The following RGS6 variants were observed in gnomAD, a reference collection of about 807,000 sequenced individuals.
RGS6 encodes regulator of G-protein signaling 6.
RGS6 carries 30 observed loss-of-function variants against 78.5 expected under a neutral mutation model. The observed-to-expected ratio is 0.38, with a 90% confidence interval of 0.29 to 0.52. The LOEUF is 0.52. Among genes scored for constraint, RGS6 ranks in the 20% least tolerant of loss-of-function variants. The probability of loss-of-function intolerance (pLI) is 0.85; values close to 1 mark genes in which losing one functional copy is unlikely to be tolerated. For synonymous variants in RGS6, 206 were observed against 206.0 expected (o/e 1.00, Z 0.00); for missense variants, 495 against 609.7 (o/e 0.81, Z 1.98).
chr14:72,535,193 T>C (rs1052518150), intron 15 of RGS6, among the ~76,000 whole-genome samples: 2 of 152,062 alleles, frequency 1.3e-5, no homozygotes, highest in African/African-American at 4.8e-5. Context: ...AGGGGTGAAA[T>C]TATTTGCCAA....
intron 15 of RGS6, among the ~76,000 whole-genome samples, chr14:72,531,617 C>G (rs2097183996): frequency 6.6e-6 from 1 of 152,150 alleles, no homozygotes; most frequent in Non-Finnish European, 1.5e-5. Context: ...GAGGGCCTCA[C>G]ATGTGACCAA....
intron 3 of RGS6, among the ~76,000 whole-genome samples, chr14:72,378,708 C>T (rs1308828305): frequency 1.1e-4 from 16 of 151,838 alleles, no homozygotes; most frequent in Admixed American, 1.0e-3. Flanking sequence ...AAAAGTTTCC[C>T]AAAAAAGAAA....
chr14:71,884,448 G>C, the RGS6 span, among the ~76,000 whole-genome samples: 1 of 152,186 alleles, frequency 6.6e-6, no homozygotes, highest in Non-Finnish European at 1.5e-5. Flanking sequence ...GGTTTTTCTA[G>C]CTCCCAACAA....
intron 2 of RGS6, among the ~76,000 whole-genome samples, chr14:72,076,382 C>T (rs2094574768): frequency 6.6e-6 from 1 of 152,064 alleles, no homozygotes; most frequent in Non-Finnish European, 1.5e-5. Flanking sequence ...ACATGGATGT[C>T]CCTTATTTAA....
chr14:72,389,114 AT>A, intron 3 of RGS6, among the ~76,000 whole-genome samples: 1 of 152,198 alleles, frequency 6.6e-6, no homozygotes, highest in Non-Finnish European at 1.5e-5. Flanking sequence ...CTGCTCCTGC[AT>A]CATGCTGGGA....
At chr14:72,457,965 C>T (rs1054357585) in intron 4 of RGS6, among the ~76,000 whole-genome samples, 3 of 152,200 alleles carry the variant, frequency 2.0e-5, no homozygotes, top group Admixed American at 6.5e-5. Context: ...TAGTTAAATA[C>T]AGGTTCTTCT....
chr14:72,505,625 G>A (rs2096789013), intron 13 of RGS6, among the ~76,000 whole-genome samples: 2 of 152,180 alleles, frequency 1.3e-5, no homozygotes, highest in African/African-American at 2.4e-5. Context: ...GTAGTAGAAG[G>A]CAAGGTAACA....
At chr14:71,929,547 C>A (rs560620524), upstream of RGS6, among the ~76,000 whole-genome samples, 1 of 152,210 alleles carries the variant, frequency 6.6e-6, no homozygotes, top group South Asian at 2.1e-4. Flanking sequence ...AGTATTACAG[C>A]TGCATGTTAA....
At chr14:72,228,367 C>T (rs562787923) in intron 2 of RGS6, among the ~76,000 whole-genome samples, 32 of 151,542 alleles carry the variant, frequency 2.1e-4, no homozygotes, top group East Asian at 5.9e-4. Context: ...AGCAACAGAG[C>T]GAGACTCTGT....
chr14:72,387,770 C>T (rs2152927146), intron 3 of RGS6, among the ~76,000 whole-genome samples: 1 of 152,238 alleles, frequency 6.6e-6, no homozygotes, highest in East Asian at 1.9e-4. Context: ...GTAACAAGGT[C>T]CCACAGACCA....
chr14:72,384,069 G>A (rs1414478490), intron 3 of RGS6, among the ~76,000 whole-genome samples: 2 of 152,342 alleles, frequency 1.3e-5, no homozygotes, highest in East Asian at 3.9e-4. Flanking sequence ...AGCACACTCA[G>A]TGACACACAC....
chr14:72,282,729 C>A (rs776648641), intron 2 of RGS6, among the ~76,000 whole-genome samples: 7 of 152,198 alleles, frequency 4.6e-5, no homozygotes, highest in Non-Finnish European at 1.0e-4. Flanking sequence ...CCTGTCACCT[C>A]CAGAAGTTTC....
At chr14:72,541,171 T>C (rs749149264) in intron 17 of RGS6, 3 of 1,380,806 alleles carry the variant, frequency 2.2e-6, no homozygotes, top group African/African-American at 2.9e-5. Context: ...CCCATTGATA[T>C]TGACTTGCCT....
intron 2 of RGS6, among the ~76,000 whole-genome samples, chr14:72,068,812 C>T (rs769103869): frequency 3.3e-5 from 5 of 151,124 alleles, no homozygotes; most frequent in African/African-American, 4.9e-5. Context: ...CCTTTCTCTC[C>T]TCCTTCCTTT....
Position 72,120,866 on chromosome 14 carries a change from C to T in RGS6, c.84+155991C>T, listed in dbSNP as rs950868929. ...TGGAAATCTTCTCTATCTTATTTTG[C>T]GGGATGGTTACATTTGTGTATTCCG... is the stretch of plus-strand genomic sequence containing the variant. On this transcript the variant is annotated intron_variant, in intron 2 of 17. Coordinates refer to ENST00000553525, the MANE Select transcript of RGS6 (RefSeq NM_001204424.2). 2.0e-5 allele frequency among the ~76,000 whole-genome samples: 3 copies of T among 152,132 alleles called. 1 individual carries two copies. The highest frequency in any genetic ancestry group is 4.8e-5 in the African/African-American group (2 of 41,432).
At chr14:72,045,575 G>A (rs2092767194) in intron 2 of RGS6, among the ~76,000 whole-genome samples, 1 of 152,112 alleles carries the variant, frequency 6.6e-6, no homozygotes, top group Non-Finnish European at 1.5e-5. Flanking sequence ...TATTTTACTG[G>A]TGAGGTATGG....
chr14:71,967,652 T>C (rs1319057921), intron 2 of RGS6, among the ~76,000 whole-genome samples: 1 of 152,308 alleles, frequency 6.6e-6, no homozygotes, highest in African/African-American at 2.4e-5. Flanking sequence ...TGTTTGTTGT[T>C]GTTGTTTTTT....
In RGS6 at chr14:72,357,158, G is replaced by A. The variant is rs1403716423; in HGVS notation, c.184+4964G>A. ...GTAGTGGCACGCACCTGTAATCCCAGCTACTTGGGAGGCTGAGGCAGGAGA... is the reference window on the plus strand; with the variant it reads ...GTAGTGGCACGCACCTGTAATCCCAACTACTTGGGAGGCTGAGGCAGGAGA... On this transcript the variant is annotated intron_variant, in intron 3 of 17. Coordinates refer to ENST00000553525, the MANE Select transcript of RGS6 (RefSeq NM_001204424.2). Among the ~76,000 whole-genome samples, 3 of 152,112 alleles carry A rather than the reference G, an allele frequency of 2.0e-5. No homozygotes were observed. In the South Asian group the frequency reaches 6.2e-4, roughly 32 times the overall value.
chr14:72,433,557 A>T (rs866588020), intron 3 of RGS6, among the ~76,000 whole-genome samples: 1 of 152,204 alleles, frequency 6.6e-6, no homozygotes, highest in African/African-American at 2.4e-5. Flanking sequence ...TAACTAAAAA[A>T]GTCTTTTTAG....
Sources: allele counts gnomAD v4.1 joint callset (sites outside exome capture counted in the v4.1 genomes callset), GRCh38; gene constraint gnomAD v4.1.1; transcripts MANE v1.5; gene names NCBI Gene and HGNC (gene_info 2026-07-23, HGNC 2026-07-21).